CHKA: variants seen among roughly 807,000 people sequenced by gnomAD.
CHKA encodes the protein choline kinase alpha.
Under a neutral mutation model 60.1 loss-of-function variants are expected in CHKA, and 34 were observed. That is an observed-to-expected ratio of 0.57 (90% confidence interval 0.43 to 0.75). The LOEUF (loss-of-function observed/expected upper bound fraction) is 0.75. CHKA is among the 30% of genes least tolerant of loss of function. The probability of loss-of-function intolerance (pLI) is 0.00; values close to 1 mark genes in which losing one functional copy is unlikely to be tolerated. For synonymous variants in CHKA, 217 were observed against 223.1 expected (o/e 0.97, Z 0.24); for missense variants, 563 against 561.3 (o/e 1.00, Z -0.03).
intron 2 of CHKA, among the ~76,000 whole-genome samples, chr11:68,084,438 G>GTA (rs893053624): frequency 3.2e-5 from 4 of 126,366 alleles, no homozygotes; most frequent in African/African-American, 5.9e-5. Context: ...ATATATATAC[G>GTA]TATATATATG....
intron 2 of CHKA, among the ~76,000 whole-genome samples, chr11:68,082,307 G>A (rs566686796): frequency 6.6e-6 from 1 of 151,920 alleles, no homozygotes; most frequent in Non-Finnish European, 1.5e-5. Flanking sequence ...TAAGGGAATG[G>A]GGAAAAGTAA....
intron 1 of CHKA, among the ~76,000 whole-genome samples, chr11:68,111,329 T>C (rs1858130060): frequency 6.6e-6 from 1 of 151,910 alleles, no homozygotes; most frequent in South Asian, 2.1e-4. Flanking sequence ...GGAAAATTGC[T>C]TGAACCTGGG....
intron 2 of CHKA, among the ~76,000 whole-genome samples, chr11:68,086,298 G>A (rs906041081): frequency 2.0e-5 from 3 of 151,964 alleles, no homozygotes; most frequent in Admixed American, 6.6e-5. Context: ...TGGCGACAGC[G>A]AGACTCTGTC....
chr11:68,070,115 CTCAA>C, intron 6 of CHKA, 70 bp downstream of exon 6: 1 of 1,082,398 alleles, frequency 9.2e-7, no homozygotes. Context: ...ATAAGGCAAG[CTCAA>C]TCAATGTTTA....
intron 1 of CHKA, among the ~76,000 whole-genome samples, chr11:68,106,536 C>CA (rs1279238091): frequency 6.7e-6 from 1 of 149,524 alleles, no homozygotes; most frequent in Non-Finnish European, 1.5e-5. Flanking sequence ...CTGGGCAACA[C>CA]AAAAACCCTG....
Position 68,120,964 on chromosome 11 carries a change from G to T in CHKA, c.214C>A (p.Pro72Thr), listed in dbSNP as rs770487488. The change falls in exon 1 of 12, where the codon CCC becomes ACC. Residue 72 changes from proline (P) to threonine (T), a missense_variant. By Grantham distance (38) the Pro-to-Thr change is conservative (BLOSUM62 -1). Coordinates refer to ENST00000265689, the MANE Select transcript of CHKA (RefSeq NM_001277.3). ...TCTGCGGGCGGCTGCGGCGGCGGGG[G>T]CTGGGGCAGCGGCAGCGGCAGCGGC... is the stretch of plus-strand genomic sequence containing the variant. ...PLPLPLPLPQ[P>T]PPPQPPADEQ... The T allele has an allele frequency of 1.8e-6, 2 of 1,140,162 alleles. No individual in the cohort carries two copies. The highest frequency in any genetic ancestry group is 2.2e-6 in the Non-Finnish European group (2 of 927,432). 70.6% of individuals were successfully genotyped at this position (1,140,162 alleles called of 1,614,324 possible). A position where few individuals can be genotyped will look rare whatever the true frequency, so the allele number is the denominator to read the frequency against.
intron 3 of CHKA, among the ~76,000 whole-genome samples, chr11:68,075,036 A>C (rs2134562380): frequency 6.6e-6 from 1 of 152,370 alleles, no homozygotes; most frequent in Middle Eastern, 3.4e-3. Context: ...CATGCTTGCA[A>C]GCACTATGCT....
At chr11:68,092,723 A>AT (rs1371960252) in intron 2 of CHKA, among the ~76,000 whole-genome samples, 1 of 152,192 alleles carries the variant, frequency 6.6e-6, no homozygotes, top group African/African-American at 2.4e-5. Context: ...GGCAACAAGT[A>AT]TGACTGCTAA....
chr11:68,061,071 CTTTCTA>C (rs1460277304), intron 11 of CHKA, among the ~76,000 whole-genome samples: 2 of 123,480 alleles, frequency 1.6e-5, no homozygotes, highest in African/African-American at 3.1e-5. Flanking sequence ...GTTAAAAATA[CTTTCTA>C]TTTCTATGTC....
intron 1 of CHKA, among the ~76,000 whole-genome samples, chr11:68,098,686 G>C (rs985848565): frequency 7.9e-5 from 12 of 151,914 alleles, no homozygotes; most frequent in African/African-American, 2.9e-4. Flanking sequence ...AATTTTACTT[G>C]ATTTTATTTA....
At chr11:68,109,112 C>CAAA (rs1443496645) in intron 1 of CHKA, among the ~76,000 whole-genome samples, 1 of 117,094 alleles carries the variant, frequency 8.5e-6, no homozygotes, top group Non-Finnish European at 1.7e-5. Context: ...TTTTTTGAGA[C>CAAA]AGAGTCTCGC....
chr11:68,115,237 A>G (rs1858337992), intron 1 of CHKA, among the ~76,000 whole-genome samples: 1 of 152,210 alleles, frequency 6.6e-6, no homozygotes, highest in African/African-American at 2.4e-5. Flanking sequence ...TATTAAATGC[A>G]TTTCAATTTA....
intron 2 of CHKA, among the ~76,000 whole-genome samples, chr11:68,095,781 C>T (rs970493210): frequency 6.8e-6 from 1 of 147,054 alleles, no homozygotes; most frequent in African/African-American, 2.5e-5. Context: ...GTGGCTCACA[C>T]CTGTAATCCC....
rs529007182 is a variant in CHKA, at chr11:68,067,640, A to C, written c.929-1124T>G. 3.9e-5 allele frequency among the ~76,000 whole-genome samples: 6 copies of C among 152,294 alleles called. No homozygotes were observed. The South Asian group carries it at 1.2e-3, about 32-fold the overall frequency. ...ACGCCCAAAGTAGCACAACAAAATT[A>C]ATGTACAACTGTTACCTCTTCGATC... is the stretch of plus-strand genomic sequence containing the variant. On this transcript the variant is annotated intron_variant, in intron 7 of 11. Transcript: ENST00000265689.
intron 1 of CHKA, 56 bp from the exon 2 acceptor site, chr11:68,097,186 TTC>T (rs1277824621): frequency 7.5e-7 from 1 of 1,331,792 alleles, no homozygotes; most frequent in Non-Finnish European, 1.1e-6. Flanking sequence ...TAAATCACTC[TTC>T]TTGGATAAAT....
At chr11:68,109,023 GA>G (rs61353976) in intron 1 of CHKA, among the ~76,000 whole-genome samples, 85,133 of 150,086 alleles carry the variant, frequency 0.57, 24,292 homozygotes, top group Middle Eastern at 0.7. Flanking sequence ...CTGAGGGGGG[GA>G]AAAAATCCCT....
At chr11:68,090,637 A>AGT (rs1175256455) in intron 2 of CHKA, among the ~76,000 whole-genome samples, 1 of 152,242 alleles carries the variant, frequency 6.6e-6, no homozygotes, top group Non-Finnish European at 1.5e-5. Context: ...TAAAAAGGAC[A>AGT]GTGTCTCAAA....
intron 1 of CHKA, among the ~76,000 whole-genome samples, chr11:68,109,347 C>T (rs1565194336): frequency 2.6e-5 from 4 of 152,046 alleles, no homozygotes; most frequent in Admixed American, 2.0e-4. Context: ...CCTCAGGCTC[C>T]CAAAGTGCTG....
chr11:68,075,639 C>T lies in CHKA; in HGVS notation c.517-809G>A, dbSNP rs971102543. Among the ~76,000 whole-genome samples, 52 of 152,254 alleles carry T rather than the reference C, an allele frequency of 3.4e-4. No individual in the cohort carries two copies. In the Middle Eastern group the frequency reaches 0.014, roughly 40 times the overall value. ...CTTACCCAGAGGTCCACCTGAATCT[C>T]TTAAAGAGCTTTTACAGGCCAGGCG... is the stretch of plus-strand genomic sequence containing the variant. On this transcript the variant is annotated intron_variant, in intron 3 of 11. Coordinates refer to ENST00000265689, the MANE Select transcript of CHKA (RefSeq NM_001277.3).
Sources: gnomAD v4.1 joint callset for allele counts (sites outside exome capture counted in the v4.1 genomes callset) on GRCh38, gnomAD v4.1.1 for gene constraint, MANE v1.5 for transcripts, NCBI Gene and HGNC (gene_info 2026-07-23, HGNC 2026-07-21) for gene names.